The following EXT2 variants were observed in gnomAD, a reference collection of about 807,000 sequenced individuals.
EXT2 encodes exostosin-2.
EXT2 carries 53 observed loss-of-function variants against 81.6 expected under a neutral mutation model. The observed-to-expected ratio is 0.65, with a 90% CI of 0.52 to 0.82. The LOEUF (loss-of-function observed/expected upper bound fraction) is 0.82, where lower values mean the gene tolerates loss of function less well. Ranked by LOEUF, EXT2 falls within the 40% of genes least tolerant of loss-of-function variation. The pLI is 0.00. For missense variants in EXT2, 774 were observed against 910.2 expected (o/e 0.85, Z 1.93); for synonymous variants, 320 against 340.0 (o/e 0.94, Z 0.65).
chr11:44,107,428 C>A (rs1954070083), intron 1 of EXT2, among the ~76,000 whole-genome samples: 1 of 151,932 alleles, frequency 6.6e-6, no homozygotes, highest in African/African-American at 2.4e-5. Context: ...GACTCCTTCT[C>A]TACTAAAAAT....
intron 11 of EXT2, 36 bp from the exon 12 acceptor site, chr11:44,234,079 T>C: frequency 6.2e-7 from 1 of 1,613,742 alleles, no homozygotes; most frequent in Non-Finnish European, 8.5e-7. Flanking sequence ...GGAACTGCTA[T>C]TTTTGAATAT....
chr11:44,170,968 A>G (rs779102064), intron 7 of EXT2, among the ~76,000 whole-genome samples: 14 of 152,208 alleles, frequency 9.2e-5, no homozygotes, highest in Non-Finnish European at 1.8e-4. Context: ...AAGAACAGAA[A>G]AAGAGAGAAT....
intron 4 of EXT2, among the ~76,000 whole-genome samples, chr11:44,118,209 G>A (rs918967786): frequency 3.3e-5 from 5 of 152,092 alleles, no homozygotes; most frequent in Admixed American, 2.6e-4. Flanking sequence ...GCATCTTTAA[G>A]GTGAATATGG....
In EXT2 at chr11:44,197,988, T is replaced by A; in HGVS notation, c.1465T>A (p.Trp489Arg). 1 of 1,614,130 alleles carries A rather than the reference T, an allele frequency of 6.2e-7. No homozygotes were observed. Among genetic ancestry groups the A allele is most frequent in the Non-Finnish European group, 8.5e-7 (1 of 1,179,974 alleles). ...CAGTCTATCCAAACTACTTGTCGTC[T>A]GGAATAATCAGAATAAAAACCCTCC... ...VPSLSKLLVV[W>R]NNQNKNPPED... Residue 489 changes from tryptophan to arginine, a missense_variant, in exon 9 of 14, where the codon TGG (tryptophan) becomes AGG (arginine). Physicochemically the swap from Trp to Arg is moderately radical, Grantham distance 101 (BLOSUM62 -3). Coordinates refer to ENST00000533608, the MANE Select transcript of EXT2 (RefSeq NM_207122.2).
At chr11:44,227,981 G>C (rs1955856650) in intron 10 of EXT2, among the ~76,000 whole-genome samples, 1 of 152,164 alleles carries the variant, frequency 6.6e-6, no homozygotes, top group African/African-American at 2.4e-5. Flanking sequence ...ACAGCCCTAT[G>C]ATGTAAATAT....
chr11:44,190,598 A>G (rs933285720), intron 8 of EXT2, among the ~76,000 whole-genome samples: 7 of 152,238 alleles, frequency 4.6e-5, no homozygotes, highest in Non-Finnish European at 7.3e-5. Context: ...AAAATCTCTG[A>G]TGTGATGAGG....
intron 7 of EXT2, among the ~76,000 whole-genome samples, chr11:44,156,026 A>G (rs145582076): frequency 1.3e-5 from 2 of 152,158 alleles, no homozygotes; most frequent in South Asian, 2.1e-4. Flanking sequence ...TTTTTCCTTC[A>G]GCACTTCAAA....
chr11:44,231,625 G>A (rs1451121035), intron 10 of EXT2, among the ~76,000 whole-genome samples: 2 of 152,202 alleles, frequency 1.3e-5, no homozygotes, highest in Non-Finnish European at 2.9e-5. Context: ...AACAGAGACT[G>A]AGAAGAAGCA....
chr11:44,244,100 C>T (rs1420802860), intron 13 of EXT2, 49 bp from the exon 14 acceptor site: 3 of 1,575,160 alleles, frequency 1.9e-6, no homozygotes, highest in African/African-American at 2.7e-5. Flanking sequence ...CCCCATCCTT[C>T]TCATTCTGCT....
chr11:44,139,195 G>A (rs1304064422), intron 7 of EXT2, among the ~76,000 whole-genome samples: 1 of 145,734 alleles, frequency 6.9e-6, no homozygotes, highest in African/African-American at 2.5e-5. Flanking sequence ...CTCTTTAGCT[G>A]ACCTTTTTTT....
At chr11:44,236,880 C>A (rs1955972051) in intron 13 of EXT2, among the ~76,000 whole-genome samples, 1 of 152,150 alleles carries the variant, frequency 6.6e-6, no homozygotes, top group Admixed American at 6.5e-5. Flanking sequence ...GAAATACTCT[C>A]TTTATTTCGA....
chr11:44,130,173 G>T, intron 7 of EXT2, 35 bp downstream of exon 7: 3 of 1,555,270 alleles, frequency 1.9e-6, no homozygotes, highest in Non-Finnish European at 2.7e-6. Context: ...TGACATGGGT[G>T]GTACCGAAAT....
intron 13 of EXT2, among the ~76,000 whole-genome samples, chr11:44,242,709 CAT>C (rs1294410451): frequency 6.6e-6 from 1 of 152,192 alleles, no homozygotes; most frequent in Non-Finnish European, 1.5e-5. Flanking sequence ...TTATCTGTCA[CAT>C]AATAGGTGCT....
chr11:44,184,033 A>G (rs1955273614), intron 8 of EXT2, among the ~76,000 whole-genome samples: 1 of 152,232 alleles, frequency 6.6e-6, no homozygotes, highest in Admixed American at 6.5e-5. Flanking sequence ...AAATTCTCCC[A>G]TCCTGGGATA....
intron 8 of EXT2, among the ~76,000 whole-genome samples, chr11:44,194,665 C>T (rs1010075957): frequency 2.0e-5 from 3 of 152,092 alleles, no homozygotes; most frequent in Non-Finnish European, 4.4e-5. Context: ...CCGTATCTAT[C>T]TTGGGGGTTG....
At chr11:44,167,298 C>T (rs149541754) in intron 7 of EXT2, among the ~76,000 whole-genome samples, 1 of 152,318 alleles carries the variant, frequency 6.6e-6, no homozygotes, top group African/African-American at 2.4e-5. Flanking sequence ...CAGAGCAAGA[C>T]TCCAAGAATC....
chr11:44,183,693 C>G (rs1030371136), intron 8 of EXT2, among the ~76,000 whole-genome samples: 2 of 151,636 alleles, frequency 1.3e-5, no homozygotes, highest in African/African-American at 4.9e-5. Context: ...ATCTATTTTC[C>G]TATTTTCTTC....
At chr11:44,122,445 G>T (rs1443721431) in intron 4 of EXT2, among the ~76,000 whole-genome samples, 1 of 152,128 alleles carries the variant, frequency 6.6e-6, no homozygotes, top group Non-Finnish European at 1.5e-5. Context: ...AACTGCGGGT[G>T]CTCCCTGTAT....
intron 9 of EXT2, among the ~76,000 whole-genome samples, chr11:44,202,622 G>T (rs570728441): frequency 4.6e-5 from 7 of 152,142 alleles, no homozygotes; most frequent in African/African-American, 1.4e-4. Flanking sequence ...GCTACCTAGG[G>T]TTCAAAAAAT....
Sources: gnomAD v4.1 joint callset for allele counts (sites outside exome capture counted in the v4.1 genomes callset) on GRCh38, gnomAD v4.1.1 for gene constraint, MANE v1.5 for transcripts, NCBI Gene and HGNC (gene_info 2026-07-23, HGNC 2026-07-21) for gene names.